The following GPR158 variants were observed in gnomAD, a reference collection of about 807,000 sequenced individuals.
The protein encoded by GPR158 is G protein-coupled receptor 158.
Under a neutral mutation model 78.2 loss-of-function variants are expected in GPR158, and 30 were observed. The ratio of observed to expected loss-of-function variants is 0.38; its 90% CI spans 0.29 to 0.52. The LOEUF (loss-of-function observed/expected upper bound fraction) is 0.52. Among genes scored for constraint, GPR158 ranks in the 20% least tolerant of loss-of-function variants. The pLI is 0.83. For missense variants in GPR158, 1,463 were observed against 1,523.5 expected, an observed-to-expected ratio of 0.96 and a Z score of 0.66; for synonymous variants, 581 against 591.1, an observed-to-expected ratio of 0.98 and a Z score of 0.25.
chr10:25,369,367 T>G (rs1250371021), intron 2 of GPR158, among the ~76,000 whole-genome samples: 2 of 150,162 alleles, frequency 1.3e-5, no homozygotes, highest in Non-Finnish European at 2.9e-5. Context: ...ATTGAGAGTT[T>G]TTAGCATGAA....
chr10:25,252,346 G>A (rs1341728860), intron 2 of GPR158, among the ~76,000 whole-genome samples: 16 of 152,280 alleles, frequency 1.1e-4, no homozygotes, highest in Admixed American at 3.3e-4. Flanking sequence ...GCTTTGTTCT[G>A]TTGCTGGTGA....
At position 25,251,072 on chromosome 10, in the gene GPR158, CTTCT is replaced by C. The variant is rs1853790295; in HGVS notation, c.1008+29918_1008+29921del. ...GATCCCTTTACCATTATCTAATGGC[CTTCT>C]TTGTCTCTTTTGATCTTTGTTGGTT... On this transcript the variant is annotated intron_variant, in intron 2 of 10. Transcript: ENST00000376351. 2.0e-5 allele frequency among the ~76,000 whole-genome samples: 3 copies of C among 152,222 alleles called. No homozygotes were observed. In the South Asian group the frequency reaches 6.2e-4, roughly 32 times the overall value.
chr10:25,556,213 T>C (rs1307147847), intron 6 of GPR158, among the ~76,000 whole-genome samples: 1 of 152,084 alleles, frequency 6.6e-6, no homozygotes, highest in Non-Finnish European at 1.5e-5. Context: ...AAGGCCAAAA[T>C]ATAAATGCCT....
intron 2 of GPR158, among the ~76,000 whole-genome samples, chr10:25,371,270 T>A (rs1833987441): frequency 6.6e-6 from 1 of 151,964 alleles, no homozygotes; most frequent in Non-Finnish European, 1.5e-5. Flanking sequence ...GTCTCGATGG[T>A]CTTTACATGT....
intron 5 of GPR158, among the ~76,000 whole-genome samples, chr10:25,516,045 T>C (rs1264960381): frequency 2.0e-5 from 3 of 151,744 alleles, no homozygotes; most frequent in African/African-American, 7.3e-5. Flanking sequence ...TTTCCTGACT[T>C]TTTAATGATC....
At chr10:25,485,829 A>G (rs1197255476) in intron 5 of GPR158, among the ~76,000 whole-genome samples, 1 of 152,098 alleles carries the variant, frequency 6.6e-6, no homozygotes, top group Non-Finnish European at 1.5e-5. Context: ...TATGGTCTGA[A>G]TATTTCTGTC....
At chr10:25,466,508 T>A in intron 4 of GPR158, 143 bp from the exon 5 acceptor site, 1 of 561,156 alleles carries the variant, frequency 1.8e-6, no homozygotes, top group South Asian at 2.5e-5. Flanking sequence ...TTTACCCACC[T>A]GAATACTAAC....
chr10:25,259,082 T>C (rs2130731616), intron 2 of GPR158, among the ~76,000 whole-genome samples: 1 of 152,250 alleles, frequency 6.6e-6, no homozygotes, highest in East Asian at 1.9e-4. Context: ...TCATGTTGAA[T>C]AGGCTGAGGA....
intron 2 of GPR158, among the ~76,000 whole-genome samples, chr10:25,286,182 G>A (rs1854348949): frequency 2.0e-5 from 3 of 151,856 alleles, no homozygotes; most frequent in South Asian, 4.2e-4. Flanking sequence ...GAGCCTCTTG[G>A]ATTTGTGGTT....
At chr10:25,329,713 T>G (rs1855091514) in intron 2 of GPR158, among the ~76,000 whole-genome samples, 1 of 151,938 alleles carries the variant, frequency 6.6e-6, no homozygotes. Flanking sequence ...GGGGCTAATT[T>G]AACCTACAGT....
At chr10:25,192,110 G>T (rs967510370) in intron 1 of GPR158, among the ~76,000 whole-genome samples, 1 of 152,266 alleles carries the variant, frequency 6.6e-6, no homozygotes, top group Non-Finnish European at 1.5e-5. Flanking sequence ...GAGAGACCAG[G>T]TGGAGGTAAT....
rs183454122 is a variant in GPR158 at position 25,402,409 on chromosome 10, T to G, written c.1111+6396T>G. 2.4e-4 allele frequency among the ~76,000 whole-genome samples: 37 copies of G among 152,200 alleles called. No individual in the cohort carries two copies. In the East Asian group the frequency reaches 6.0e-3, roughly 25 times the overall value. ...CCGCAAAGGACATTATTCTGGCAAT[T>G]GATGAAATTTGAATATGGGCTATGT... On this transcript the variant is annotated intron_variant, in intron 3 of 10. Transcript: ENST00000376351.
intron 5 of GPR158, among the ~76,000 whole-genome samples, chr10:25,497,634 T>C (rs1835900611): frequency 6.6e-6 from 1 of 152,226 alleles, no homozygotes; most frequent in South Asian, 2.1e-4. Context: ...GGATTTTTTT[T>C]CATTTATCCA....
intron 2 of GPR158, among the ~76,000 whole-genome samples, chr10:25,328,179 C>G (rs1280601653): frequency 7.0e-6 from 1 of 143,762 alleles, no homozygotes; most frequent in South Asian, 2.2e-4. Context: ...AAGAGAAATA[C>G]ATAGATATAT....
chr10:25,183,677 T>G (rs528693870), intron 1 of GPR158, among the ~76,000 whole-genome samples: 1 of 152,336 alleles, frequency 6.6e-6, no homozygotes, highest in South Asian at 2.1e-4. Context: ...CAATGTAGGA[T>G]TTTTAAAAAC....
At chr10:25,521,040 G>C (rs1164388733) in intron 5 of GPR158, among the ~76,000 whole-genome samples, 11 of 152,212 alleles carry the variant, frequency 7.2e-5, no homozygotes, top group Non-Finnish European at 2.9e-5. Context: ...AGGACCCTCC[G>C]AGCCAGGTGT....
At chr10:25,223,947 C>T (rs1853336927) in intron 2 of GPR158, among the ~76,000 whole-genome samples, 1 of 152,094 alleles carries the variant, frequency 6.6e-6, no homozygotes, top group South Asian at 2.1e-4. Flanking sequence ...AACTTTCCAG[C>T]CTCTAGGGTA....
intron 5 of GPR158, among the ~76,000 whole-genome samples, chr10:25,493,317 C>T (rs988308334): frequency 2.2e-4 from 34 of 152,150 alleles, no homozygotes; most frequent in African/African-American, 8.0e-4. Flanking sequence ...CTCTCCCTTT[C>T]GCATAACCCA....
chr10:25,508,918 C>A (rs912087156), intron 5 of GPR158, among the ~76,000 whole-genome samples: 1 of 152,112 alleles, frequency 6.6e-6, no homozygotes, highest in African/African-American at 2.4e-5. Context: ...TTTAACACGC[C>A]TTAGCATCTT....
Sources: gnomAD v4.1 joint callset for allele counts (sites outside exome capture counted in the v4.1 genomes callset) on GRCh38, gnomAD v4.1.1 for gene constraint, MANE v1.5 for transcripts, NCBI Gene and HGNC (gene_info 2026-07-23, HGNC 2026-07-21) for gene names.